Variants in GABRA5 observed in about 807,000 individuals in gnomAD.
The protein encoded by GABRA5 is gamma-aminobutyric acid type A receptor subunit alpha5, also known as gamma-aminobutyric acid receptor subunit alpha-5.
GABRA5 carries 18 observed loss-of-function variants against 47.3 expected under a neutral mutation model. That is an observed-to-expected ratio of 0.38 (90% CI 0.26 to 0.56). The LOEUF is 0.56. Among genes scored for constraint, GABRA5 ranks in the 20% least tolerant of loss-of-function variants. The pLI, the probability that GABRA5 is intolerant of heterozygous loss-of-function variation, is 0.71. For missense variants in GABRA5, 365 were observed against 599.3 expected (o/e 0.61, Z 4.08); for synonymous variants, 237 against 229.3 (o/e 1.03, Z -0.30).
At chr15:26,898,105 C>A (rs931668631) in intron 6 of GABRA5, among the ~76,000 whole-genome samples, 22 of 152,170 alleles carry the variant, frequency 1.4e-4, no homozygotes, top group Admixed American at 1.3e-4. Context: ...CATTTTGAAA[C>A]GTGCACTGGA....
intron 6 of GABRA5, among the ~76,000 whole-genome samples, chr15:26,888,562 A>G: frequency 6.6e-6 from 1 of 152,000 alleles, no homozygotes; most frequent in East Asian, 1.9e-4. Context: ...GGGTGAGGGG[A>G]GATAGAGCCT....
intron 7 of GABRA5, among the ~76,000 whole-genome samples, chr15:26,919,208 G>A (rs1466520133): frequency 6.6e-6 from 1 of 152,118 alleles, no homozygotes; most frequent in Non-Finnish European, 1.5e-5. Flanking sequence ...ACTCTCTTGT[G>A]TCTTTTGATT....
intron 6 of GABRA5, among the ~76,000 whole-genome samples, chr15:26,908,322 A>T (rs752962154): frequency 9.9e-5 from 15 of 152,140 alleles, no homozygotes; most frequent in Non-Finnish European, 1.5e-4. Flanking sequence ...ATCCTTGCTA[A>T]GGATGTGACT....
chr15:26,895,812 C>CAAAAAAAAAAAAAAAAAAAAA (rs376170037), intron 6 of GABRA5, among the ~76,000 whole-genome samples: 3 of 123,276 alleles, frequency 2.4e-5, no homozygotes, highest in African/African-American at 1.1e-4. Context: ...AAGACTCCGT[C>CAAAAAAAAAAAAAAAAAAAAA]AAAAAAAAAA....
intron 6 of GABRA5, among the ~76,000 whole-genome samples, chr15:26,885,188 A>G (rs144470848): frequency 0.01 from 1,569 of 152,038 alleles, 35 homozygotes; most frequent in African/African-American, 0.036. Flanking sequence ...AGTCCCAGCT[A>G]CTTGGGAGGC....
intron 7 of GABRA5, among the ~76,000 whole-genome samples, chr15:26,934,281 A>G (rs1255837457): frequency 6.6e-6 from 1 of 151,890 alleles, no homozygotes; most frequent in African/African-American, 2.4e-5. Flanking sequence ...AGAAAGAAAA[A>G]AAAGGAAAGA....
intron 6 of GABRA5, among the ~76,000 whole-genome samples, chr15:26,897,698 TAGAG>T (rs1893232948): frequency 6.6e-6 from 1 of 152,188 alleles, no homozygotes; most frequent in Admixed American, 6.5e-5. Context: ...CTTTTAATCA[TAGAG>T]AGGGTGGAAC....
intron 7 of GABRA5, among the ~76,000 whole-genome samples, chr15:26,929,434 A>G (rs981174063): frequency 3.3e-5 from 5 of 152,220 alleles, no homozygotes; most frequent in Non-Finnish European, 5.9e-5. Context: ...AAAGAGTTCC[A>G]TATCTTCCAG....
At chr15:26,876,913 T>A (rs1363240850) in intron 3 of GABRA5, among the ~76,000 whole-genome samples, 1 of 152,094 alleles carries the variant, frequency 6.6e-6, no homozygotes, top group Non-Finnish European at 1.5e-5. Flanking sequence ...GGAACAGGGC[T>A]GAGTCTAGGA....
At chr15:26,909,638 T>C (rs1256414821) in intron 6 of GABRA5, among the ~76,000 whole-genome samples, 1 of 152,210 alleles carries the variant, frequency 6.6e-6, no homozygotes. Flanking sequence ...TTGGCCACTT[T>C]GCACCGACCT....
intron 1 of GABRA5, among the ~76,000 whole-genome samples, chr15:26,868,428 T>C (rs1175658912): frequency 6.6e-6 from 1 of 152,242 alleles, no homozygotes. Context: ...CGAAGCATAC[T>C]GTTCGGATGC....
At chr15:26,946,123 A>ACCTGTTTCC (rs1157442209) in intron 10 of GABRA5, among the ~76,000 whole-genome samples, 1 of 151,816 alleles carries the variant, frequency 6.6e-6, no homozygotes, top group African/African-American at 2.4e-5. Flanking sequence ...CACCTGTTTC[A>ACCTGTTTCC]CCTGTTTCCC....
chr15:26,893,281 G>GA, intron 6 of GABRA5, among the ~76,000 whole-genome samples: 2 of 47,030 alleles, frequency 4.3e-5, no homozygotes, highest in Non-Finnish European at 9.6e-5. Flanking sequence ...GTGTGTGTAT[G>GA]GCATATGGCG....
chr15:26,889,255 C>G (rs934105343), intron 6 of GABRA5, among the ~76,000 whole-genome samples: 1 of 152,128 alleles, frequency 6.6e-6, no homozygotes, highest in East Asian at 1.9e-4. Flanking sequence ...TGGGGAAATA[C>G]GATGTAGTGA....
chr15:26,942,488 C>A (rs1436217584), intron 9 of GABRA5, among the ~76,000 whole-genome samples: 2 of 152,192 alleles, frequency 1.3e-5, no homozygotes, highest in Non-Finnish European at 2.9e-5. Flanking sequence ...TCTGTCTCAC[C>A]TGTTTGCAGG....
chr15:26,907,656 G>A (rs1416844096), intron 6 of GABRA5, among the ~76,000 whole-genome samples: 3 of 152,122 alleles, frequency 2.0e-5, no homozygotes, highest in South Asian at 4.1e-4. Context: ...CAGTACACAC[G>A]TCACAGTCAG....
intron 6 of GABRA5, among the ~76,000 whole-genome samples, chr15:26,900,987 C>G (rs533038581): frequency 1.3e-5 from 2 of 152,250 alleles, no homozygotes; most frequent in East Asian, 3.9e-4. Flanking sequence ...GCTCACTTCA[C>G]TTAGTAAAAT....
chr15:26,939,815 A>G, intron 8 of GABRA5, 110 bp from the exon 9 acceptor site: 1 of 1,035,062 alleles, frequency 9.7e-7, no homozygotes, highest in Non-Finnish European at 1.5e-6. Flanking sequence ...ATACAAATGA[A>G]TGCTTGTCCA....
chr15:26,870,445 T>C (rs1892438293), intron 3 of GABRA5, among the ~76,000 whole-genome samples: 1 of 152,170 alleles, frequency 6.6e-6, no homozygotes, highest in African/African-American at 2.4e-5. Context: ...AGCTGAGACT[T>C]TGTCCAGCAG....
Sources: gnomAD v4.1 joint callset for allele counts (sites outside exome capture counted in the v4.1 genomes callset) on GRCh38, gnomAD v4.1.1 for gene constraint, MANE v1.5 for transcripts, NCBI Gene and HGNC (gene_info 2026-07-23, HGNC 2026-07-21) for gene names.